ASMTL: variants seen among roughly 807,000 people sequenced by gnomAD.
The protein encoded by ASMTL is probable bifunctional dTTP/UTP pyrophosphatase/methyltransferase protein.
Under a neutral mutation model 60.3 loss-of-function variants are expected in ASMTL, and 57 were observed. The observed-to-expected ratio is 0.95, with a 90% CI of 0.76 to 1.18. The LOEUF (loss-of-function observed/expected upper bound fraction) is 1.18, where lower values mean the gene tolerates loss of function less well. Ranked by LOEUF, ASMTL falls within the 50% of genes most tolerant of loss-of-function variation. The pLI is 0.00. For missense variants in ASMTL, 981 were observed against 852.6 expected, an observed-to-expected ratio of 1.15 and a Z score of -1.88; for synonymous variants, 419 against 373.0, an observed-to-expected ratio of 1.12 and a Z score of -1.42.
intron 2 of ASMTL, among the ~76,000 whole-genome samples, chrX:1,439,735 C>G (rs2091060011): frequency 6.6e-6 from 1 of 150,930 alleles, no homozygotes. Context: ...ACTCAGGAGG[C>G]TGAGGCAGCA....
At position 1,432,266 on chromosome X, in the gene ASMTL, C is replaced by T. The variant is rs201075164; in HGVS notation, c.509+3G>A. 1.2e-6 allele frequency: 2 copies of T among 1,607,050 alleles called. No homozygotes were observed. The highest frequency in any genetic ancestry group is 1.3e-5 in the African/African-American group (1 of 74,876). ...CCGTCCCCCCACCGCCCCCGAGACTCACATGGGCTCCCCGCTGTGGACGTA... is the reference window on the plus strand; with the variant it reads ...CCGTCCCCCCACCGCCCCCGAGACTTACATGGGCTCCCCGCTGTGGACGTA... On this transcript the variant is annotated splice_donor_region_variant and intron_variant, in intron 6 of 12. Coordinates refer to ENST00000381317, the MANE Select transcript of ASMTL (RefSeq NM_004192.4).
rs11553052 is a variant in ASMTL, at chrX:1,419,060, C to A, written c.1300G>T (p.Gly434Cys). Residue 434 changes from glycine to cysteine, a missense_variant, in exon 10 of 13, where the codon GGC becomes TGC. By Grantham distance (159) the Gly-to-Cys change is radical. Transcript: ENST00000381317. ...TGGCACGCAGTCAGCTTCGTCATGC[C>A]GTGCATGGCCCGCATGAACCTCAGC... ...TRLRFMRAMH[G>C]MTKLTACQVA... 3 of 1,610,546 alleles carry A rather than the reference C, an allele frequency of 1.9e-6. No individual in the cohort carries two copies. In the African/African-American group the frequency reaches 4.0e-5, roughly 22 times the overall value.
At chrX:1,433,307 G>A (rs1250330702) in intron 5 of ASMTL, among the ~76,000 whole-genome samples, 3 of 151,886 alleles carry the variant, frequency 2.0e-5, no homozygotes, top group African/African-American at 7.3e-5. Flanking sequence ...GGAACAGGGG[G>A]AGGGGGCTGG....
At position 1,439,223 on chromosome X, in the gene ASMTL, GA is replaced by G. The variant is rs2091048127; in HGVS notation, c.226-80del. 3 of 1,486,478 alleles carry G rather than the reference GA, an allele frequency of 2.0e-6. No individual in the cohort carries two copies. In the South Asian group the frequency reaches 3.4e-5, roughly 17 times the overall value. 92.1% of individuals were successfully genotyped at this position (1,486,478 alleles called of 1,614,324 possible). ...GAAGTTTTCCCGTCGGTACGGGCGT[GA>G]AAGAGCACCGCAGGGGCGAAGCCAG... On this transcript the variant is annotated intron_variant, in intron 2 of 12. Coordinates refer to ENST00000381317, the MANE Select transcript of ASMTL (RefSeq NM_004192.4).
At chrX:1,437,009 C>T (rs1188909794) in intron 3 of ASMTL, among the ~76,000 whole-genome samples, 2 of 151,656 alleles carry the variant, frequency 1.3e-5, no homozygotes, top group African/African-American at 2.4e-5. Context: ...CTTGGAGATG[C>T]CATCTTCTCC....
At chrX:1,425,486 G>T (rs187724607) in intron 8 of ASMTL, 39 bp downstream of exon 8, 6 of 1,595,774 alleles carry the variant, frequency 3.8e-6, no homozygotes, top group Non-Finnish European at 5.1e-6. Context: ...ACTTCCACCT[G>T]CAAAGATCCT....
chrX:1,429,342 G>A (rs1466790098), intron 6 of ASMTL, among the ~76,000 whole-genome samples: 7 of 151,654 alleles, frequency 4.6e-5, no homozygotes, highest in Admixed American at 1.3e-4. Context: ...AGCCTCCCAC[G>A]TAGCAGGGAC....
In ASMTL at chrX:1,417,980, G is replaced by C; in HGVS notation, c.1515C>G (p.Phe505Leu). The change falls in exon 11 of 13, where the codon TTC becomes TTG. Residue 505 changes from phenylalanine to leucine, a missense_variant. Phe to Leu is a conservative substitution (Grantham distance 22). Coordinates refer to ENST00000381317, the MANE Select transcript of ASMTL (RefSeq NM_004192.4). ...AACAGGAGGAGGGCTCACCTGCTGC[G>C]AAGTGGATCTGCACTGCCTGCGGTC... is the stretch of plus-strand genomic sequence containing the variant. ...PPGPQAVQIH[F>L]AAGDFFRDPL... The C allele has an allele frequency of 6.2e-7, 1 of 1,609,330 alleles. No homozygotes were observed. The highest frequency in any genetic ancestry group is 8.5e-7 in the Non-Finnish European group (1 of 1,176,990).
chrX:1,436,189 C>A (rs2090958987), intron 3 of ASMTL, among the ~76,000 whole-genome samples: 1 of 152,154 alleles, frequency 6.6e-6, no homozygotes, highest in Non-Finnish European at 1.5e-5. Flanking sequence ...CTTTCCTTTT[C>A]TTGAGATGGA....
intron 1 of ASMTL, among the ~76,000 whole-genome samples, chrX:1,447,046 T>C (rs1274384852): frequency 2.0e-5 from 3 of 152,222 alleles, no homozygotes; most frequent in Non-Finnish European, 4.4e-5. Context: ...AAGTTCTGCT[T>C]TCTTAAAGCC....
chrX:1,417,946 A>T, intron 11 of ASMTL, 27 bp downstream of exon 11: 3 of 1,585,656 alleles, frequency 1.9e-6, no homozygotes, highest in East Asian at 4.5e-5. Flanking sequence ...GGAAAAGGTT[A>T]GCAGGGTGAA....
intron 1 of ASMTL, among the ~76,000 whole-genome samples, chrX:1,443,304 GGACACACACC>G: frequency 7.4e-5 from 1 of 13,518 alleles, no homozygotes; most frequent in Non-Finnish European, 5.2e-4. Context: ...CCGCCATCTT[GGACACACACC>G]GCCATCTTGG....
rs1422591689 is a variant in ASMTL at position 1,428,190 on chromosome X, C to A, written c.510-69G>T. Reference sequence around the variant, plus strand: ...GTTCCTGGGTCTGAACATTTCACGGCTGGGAGGCGGAGGTGGGTGGATCAC... The same window carrying A: ...GTTCCTGGGTCTGAACATTTCACGGATGGGAGGCGGAGGTGGGTGGATCAC... On this transcript the variant is annotated intron_variant, in intron 6 of 12. Transcript: ENST00000381317. The A allele has an allele frequency of 1.7e-4, 258 of 1,527,994 alleles. 1 individual carries two copies. The highest frequency in any genetic ancestry group is 2.2e-4 in the Non-Finnish European group (248 of 1,137,596). The allele number at this position is 1,527,994 out of a possible 1,614,324, so 94.7% of individuals were successfully genotyped here. A position where few individuals can be genotyped will look rare whatever the true frequency, so the allele number is the denominator to read the frequency against.
At chrX:1,407,436 AATAGATGGTAGATGATAGGTAG>A (rs2089905098) in intron 12 of ASMTL, among the ~76,000 whole-genome samples, 1 of 147,406 alleles carries the variant, frequency 6.8e-6, no homozygotes, top group African/African-American at 2.5e-5. Context: ...TGGATGGGTG[AATAGATGGTAGATGATAGGTAG>A]ATAGATGAAT....
chrX:1,415,564 C>T (rs1174278470), intron 11 of ASMTL, among the ~76,000 whole-genome samples: 1 of 151,534 alleles, frequency 6.6e-6, no homozygotes, highest in Admixed American at 6.6e-5. Flanking sequence ...CTCCCAGGTT[C>T]AAGCGATTTT....
intron 9 of ASMTL, 51 bp downstream of exon 9, chrX:1,421,607 T>G (rs2090485267): frequency 6.2e-7 from 1 of 1,602,062 alleles, no homozygotes; most frequent in East Asian, 2.2e-5. Context: ...TCAAAGTGTT[T>G]TAGCAAAATG....
chrX:1,431,453 A>C lies in ASMTL; in HGVS notation c.509+816T>G, dbSNP rs866746359. Among the ~76,000 whole-genome samples the C allele has an allele frequency of 6.3e-3, 808 of 127,630 alleles. 10 individuals are homozygous for C. The highest frequency in any genetic ancestry group is 0.023 in the African/African-American group (761 of 32,736). 83.7% of individuals were successfully genotyped at this position (127,630 alleles called of 152,430 possible). A position where few individuals can be genotyped will look rare whatever the true frequency, so the allele number is the denominator to read the frequency against. On this transcript the variant is annotated intron_variant, in intron 6 of 12. Transcript: ENST00000381317. ...CATATAATCTATTATAACAGTATATATTATAATAGATGGTATATATTACAT... is the reference window on the plus strand; with the variant it reads ...CATATAATCTATTATAACAGTATATCTTATAATAGATGGTATATATTACAT...
chrX:1,453,166 GC>G (rs2091438541), upstream of ASMTL, among the ~76,000 whole-genome samples: 1 of 147,634 alleles, frequency 6.8e-6, no homozygotes, highest in South Asian at 2.2e-4. Flanking sequence ...TCTCCGTCAG[GC>G]CACGCCCAGG....
At position 1,425,690 on chromosome X, in the gene ASMTL, G is replaced by T; in HGVS notation, c.898-3C>A. 1 of 1,613,042 alleles carries T rather than the reference G, an allele frequency of 6.2e-7. No homozygotes were observed. Among genetic ancestry groups the T allele is most frequent in the Non-Finnish European group, 8.5e-7 (1 of 1,179,530 alleles). On this transcript the variant is annotated splice_polypyrimidine_tract_variant and splice_region_variant and intron_variant, in intron 7 of 12. Coordinates refer to ENST00000381317, the MANE Select transcript of ASMTL (RefSeq NM_004192.4). ...AGTTTGCAAGCGGTGAGCAGGCCCT[G>T]TTAAAAGCAAGTGCAGAGAGACTCA...
Sources: gnomAD v4.1 joint callset for allele counts (sites outside exome capture counted in the v4.1 genomes callset) on GRCh38, gnomAD v4.1.1 for gene constraint, MANE v1.5 for transcripts, NCBI Gene and HGNC (gene_info 2026-07-23, HGNC 2026-07-21) for gene names.